Variants in DYSF observed in about 807,000 individuals in gnomAD.
DYSF encodes the protein dysferlin, also known as dystrophy-associated fer-1-like 1.
In DYSF, 212 loss-of-function variants were observed where a neutral mutation model predicts 274.9. The observed-to-expected ratio is 0.77, with a 90% CI of 0.69 to 0.86. DYSF has a LOEUF of 0.86. Ranked by LOEUF, DYSF falls within the 40% of genes least tolerant of loss-of-function variation. DYSF has a pLI of 0.00. For missense variants in DYSF, 2,666 were observed against 2,783.2 expected (o/e 0.96, Z 0.95); for synonymous variants, 1,091 against 1,078.7 (o/e 1.01, Z -0.22).
chr2:71,525,629 T>G (rs2087793535), intron 12 of DYSF, among the ~76,000 whole-genome samples: 1 of 152,172 alleles, frequency 6.6e-6, no homozygotes, highest in Non-Finnish European at 1.5e-5. Flanking sequence ...ATGTGGGATG[T>G]GATTTTTGTT....
At chr2:71,550,630 C>T (rs1428654245) in intron 17 of DYSF, among the ~76,000 whole-genome samples, 1 of 152,122 alleles carries the variant, frequency 6.6e-6, no homozygotes, top group Non-Finnish European at 1.5e-5. Context: ...AGAGCACATG[C>T]AGGACATGCT....
At chr2:71,533,953 G>A (rs995106742) in intron 14 of DYSF, among the ~76,000 whole-genome samples, 5 of 152,122 alleles carry the variant, frequency 3.3e-5, no homozygotes, top group South Asian at 4.1e-4. Flanking sequence ...GGATTGGATC[G>A]TTGGTCTCTC....
intron 41 of DYSF, among the ~76,000 whole-genome samples, chr2:71,636,891 C>A (rs2094412053): frequency 6.6e-6 from 1 of 152,084 alleles, no homozygotes; most frequent in Non-Finnish European, 1.5e-5. Flanking sequence ...CTGTGGTGCT[C>A]TGGACAGTGG....
Position 71,601,529 on chromosome 2 carries a change from G to T in DYSF, c.3927+1G>T. On this transcript the variant is annotated splice_donor_variant, in intron 35 of 55. Coordinates refer to ENST00000410020, the MANE Select transcript of DYSF (RefSeq NM_001130987.2). LOFTEE classifies it high-confidence loss of function. ...CATCCACCATATTCCTGGTTTTGAGGTAAGTCTTGCTCTGACCTTTCCTTC... is the reference window on the plus strand; with the variant it reads ...CATCCACCATATTCCTGGTTTTGAGTTAAGTCTTGCTCTGACCTTTCCTTC... 1.9e-6 allele frequency: 3 copies of T among 1,614,156 alleles called. No homozygotes were observed. Among genetic ancestry groups the T allele is most frequent in the Non-Finnish European group, 2.5e-6 (3 of 1,180,036 alleles).
chr2:71,663,840 G>A (rs919436469), intron 45 of DYSF, among the ~76,000 whole-genome samples: 13 of 151,758 alleles, frequency 8.6e-5, no homozygotes, highest in African/African-American at 1.2e-4. Flanking sequence ...AGTACCAGTC[G>A]TCGGTAAATT....
intron 4 of DYSF, among the ~76,000 whole-genome samples, chr2:71,507,202 G>A (rs1484351278): frequency 6.6e-6 from 1 of 152,094 alleles, no homozygotes; most frequent in African/African-American, 2.4e-5. Context: ...GCCCCCAGGT[G>A]GTGTGCAGTG....
At chr2:71,498,013 G>T (rs1414065999) in intron 3 of DYSF, among the ~76,000 whole-genome samples, 1 of 152,128 alleles carries the variant, frequency 6.6e-6, no homozygotes, top group Admixed American at 6.6e-5. Context: ...AAATCATGGA[G>T]GTTTGGGGAG....
rs756881241 is a variant in DYSF, at chr2:71,686,439, C to T, written c.6322-15C>T. 3 of 1,613,968 alleles carry T rather than the reference C, an allele frequency of 1.9e-6. No homozygotes were observed. Among genetic ancestry groups the T allele is most frequent in the East Asian group, 2.2e-5 (1 of 44,870 alleles). ...GTGGGATCACCATGGGTCCCTGTCT[C>T]CTCCCTCCCTCCAGAACTATGCTGC... On this transcript the variant is annotated splice_polypyrimidine_tract_variant and intron_variant, in intron 55 of 55. Coordinates refer to ENST00000410020, the MANE Select transcript of DYSF (RefSeq NM_001130987.2).
intron 41 of DYSF, among the ~76,000 whole-genome samples, chr2:71,643,710 A>T (rs1329538496): frequency 6.6e-6 from 1 of 152,192 alleles, no homozygotes; most frequent in Non-Finnish European, 1.5e-5. Flanking sequence ...TGACAGAAAC[A>T]CACATGCTTG....
intron 23 of DYSF, among the ~76,000 whole-genome samples, chr2:71,562,542 T>C (rs1375262693): frequency 6.6e-6 from 1 of 152,226 alleles, no homozygotes; most frequent in African/African-American, 2.4e-5. Context: ...CACCCGGTTC[T>C]GTGGCAAATA....
At position 71,528,468 on chromosome 2, in the gene DYSF, G is replaced by A. The variant is rs141275858; in HGVS notation, c.1380+67G>A. Reference sequence around the variant, plus strand: ...TTTCTGGTGCCCTGTGGACTGTGCCGGGTGAGAGCAAGACAGAGTGAGATG... The same window carrying A: ...TTTCTGGTGCCCTGTGGACTGTGCCAGGTGAGAGCAAGACAGAGTGAGATG... On this transcript the variant is annotated intron_variant, in intron 14 of 55. Transcript: ENST00000410020. 2.0e-3 allele frequency: 2,722 copies of A among 1,360,328 alleles called. 43 individuals are homozygous for A. In the African/African-American group the frequency reaches 0.034, roughly 17 times the overall value. 84.3% of individuals were successfully genotyped at this position (1,360,328 alleles called of 1,614,324 possible).
At chr2:71,546,197 GC>G (rs1447020139) in intron 17 of DYSF, among the ~76,000 whole-genome samples, 2 of 152,256 alleles carry the variant, frequency 1.3e-5, no homozygotes, top group Non-Finnish European at 2.9e-5. Flanking sequence ...CTTGCCTGCA[GC>G]CCCCTCAGAA....
At chr2:71,657,790 A>G (rs1190055588) in intron 43 of DYSF, among the ~76,000 whole-genome samples, 45 of 152,160 alleles carry the variant, frequency 3.0e-4, no homozygotes, top group Admixed American at 2.9e-3. Context: ...TGGGCTGCAC[A>G]TAGCACAGGG....
At chr2:71,629,338 A>C (rs1736171) in intron 41 of DYSF, among the ~76,000 whole-genome samples, 70,877 of 151,550 alleles carry the variant, frequency 0.47, 16,647 homozygotes, top group Admixed American at 0.55. Context: ...GTCCCTTTGC[A>C]ATATTTTTAA....
chr2:71,639,858 T>C (rs1315861463), intron 41 of DYSF, among the ~76,000 whole-genome samples: 1 of 152,184 alleles, frequency 6.6e-6, no homozygotes, highest in African/African-American at 2.4e-5. Context: ...TGTAGGAGAT[T>C]AGCTCTTGGC....
intron 42 of DYSF, among the ~76,000 whole-genome samples, chr2:71,644,475 C>G (rs1397439300): frequency 1.3e-5 from 2 of 152,022 alleles, no homozygotes; most frequent in Non-Finnish European, 2.9e-5. Context: ...TTGTCCTATC[C>G]CATGTCTTTC....
intron 3 of DYSF, among the ~76,000 whole-genome samples, 181 bp from the exon 4 acceptor site, chr2:71,503,033 T>A (rs1219450127): frequency 1.3e-5 from 2 of 152,064 alleles, no homozygotes; most frequent in African/African-American, 2.4e-5. Context: ...GGGCCAGGCC[T>A]TCCAGGGATG....
intron 42 of DYSF, among the ~76,000 whole-genome samples, chr2:71,653,845 A>G (rs1363745022): frequency 6.8e-6 from 1 of 147,618 alleles, no homozygotes; most frequent in Non-Finnish European, 1.5e-5. Context: ...AATAATAAAA[A>G]AAATTTCTGA....
At chr2:71,513,171 A>G (rs959209314) in intron 5 of DYSF, 69 bp from the exon 6 acceptor site, 1 of 1,419,354 alleles carries the variant, frequency 7.0e-7, no homozygotes, top group Non-Finnish European at 9.7e-7. Context: ...ATGGAGGTGC[A>G]GTAGGTTGGT....
Sources: allele counts gnomAD v4.1 joint callset (sites outside exome capture counted in the v4.1 genomes callset), GRCh38; gene constraint gnomAD v4.1.1; transcripts MANE v1.5; gene names NCBI Gene and HGNC (gene_info 2026-07-23, HGNC 2026-07-21).